Variants in TMEM178B observed in about 807,000 individuals in gnomAD.
TMEM178B encodes the protein transmembrane protein 178B.
Under a neutral mutation model 31.0 loss-of-function variants are expected in TMEM178B, and 5 were observed. The ratio of observed to expected loss-of-function variants is 0.16; its 90% CI spans 0.08 to 0.34. TMEM178B has a LOEUF of 0.34. Among genes scored for constraint, TMEM178B ranks in the 10% least tolerant of loss-of-function variants. The pLI, the probability that TMEM178B is intolerant of heterozygous loss-of-function variation, is 1.00. For missense variants in TMEM178B, 275 were observed against 400.3 expected, an observed-to-expected ratio of 0.69 and a Z score of 2.67; for synonymous variants, 164 against 164.0, an observed-to-expected ratio of 1.00 and a Z score of 0.00.
chr7:141,434,134 C>T (rs1268655454), intron 2 of TMEM178B, among the ~76,000 whole-genome samples: 1 of 152,246 alleles, frequency 6.6e-6, no homozygotes, highest in African/African-American at 2.4e-5. Context: ...TGTTCTCATT[C>T]TCCAACAACT....
intron 2 of TMEM178B, among the ~76,000 whole-genome samples, chr7:141,264,744 G>T (rs959127302): frequency 1.3e-5 from 2 of 152,212 alleles, no homozygotes; most frequent in Non-Finnish European, 2.9e-5. Context: ...ATGAATTAAG[G>T]TCACAGTTGG....
chr7:141,451,528 C>G (rs950709764), intron 3 of TMEM178B, among the ~76,000 whole-genome samples: 7 of 152,184 alleles, frequency 4.6e-5, no homozygotes, highest in African/African-American at 1.7e-4. Flanking sequence ...TTATGCAGCA[C>G]TGTCTTCCAA....
intron 3 of TMEM178B, among the ~76,000 whole-genome samples, chr7:141,445,168 C>A (rs149019644): frequency 6.6e-6 from 1 of 152,070 alleles, no homozygotes; most frequent in African/African-American, 2.4e-5. Flanking sequence ...ATTTGCAAGC[C>A]GATGATGCCA....
chr7:141,074,759 C>T lies in TMEM178B; in HGVS notation c.382+67C>T. The T allele has an allele frequency of 1.4e-6, 2 of 1,434,912 alleles. No individual in the cohort carries two copies. The highest frequency in any genetic ancestry group is 1.8e-6 in the Non-Finnish European group (2 of 1,099,204). 88.9% of individuals were successfully genotyped at this position (1,434,912 alleles called of 1,614,324 possible). ...CGCCTTTAGGCCCCGCAGCCCCTCGCGTCTCCTTCCCAGGCCACAGGCTAT... is the reference window on the plus strand; with the variant it reads ...CGCCTTTAGGCCCCGCAGCCCCTCGTGTCTCCTTCCCAGGCCACAGGCTAT... On this transcript the variant is annotated intron_variant, in intron 1 of 3. Transcript: ENST00000565468. The surrounding 1 kb of genome is among the most constrained non-coding windows in gnomAD (Gnocchi z 5.1).
rs375167208 is a variant in TMEM178B, at chr7:141,419,178, G to A, written c.497-18430G>A. Among the ~76,000 whole-genome samples the A allele has an allele frequency of 1.4e-4, 21 of 152,272 alleles. No homozygotes were observed. The South Asian group carries it at 3.9e-3, about 29-fold the overall frequency. On this transcript the variant is annotated intron_variant, in intron 2 of 3. Transcript: ENST00000565468. ...ACCCACCTTGGCCTCCCAAAGTGCT[G>A]GGATTATAGTCGTGAGGCACCGCGG... is the stretch of plus-strand genomic sequence containing the variant.
intron 2 of TMEM178B, among the ~76,000 whole-genome samples, chr7:141,280,304 G>T (rs928957239): frequency 1.3e-5 from 2 of 151,924 alleles, no homozygotes; most frequent in African/African-American, 2.4e-5. Context: ...GATATAGTTT[G>T]GCTGTGTCCC....
intron 1 of TMEM178B, among the ~76,000 whole-genome samples, chr7:141,078,270 T>C (rs1794628579): frequency 6.6e-6 from 1 of 152,150 alleles, no homozygotes; most frequent in Non-Finnish European, 1.5e-5. Context: ...AATTATATTA[T>C]TTGGTTTGTA....
At chr7:141,285,523 T>A (rs1249287309) in intron 2 of TMEM178B, among the ~76,000 whole-genome samples, 5 of 152,126 alleles carry the variant, frequency 3.3e-5, no homozygotes, top group African/African-American at 1.2e-4. Flanking sequence ...CATATTGTAA[T>A]GCATATTTTC....
chr7:141,242,030 A>C (rs137949382), intron 2 of TMEM178B, among the ~76,000 whole-genome samples: 143 of 152,332 alleles, frequency 9.4e-4, no homozygotes, highest in African/African-American at 3.3e-3. Flanking sequence ...TGACAATTGA[A>C]AATGTGAATG....
At chr7:141,275,925 A>G (rs1798259504) in intron 2 of TMEM178B, among the ~76,000 whole-genome samples, 1 of 152,232 alleles carries the variant, frequency 6.6e-6, no homozygotes, top group South Asian at 2.1e-4. Context: ...GTGTTCATGG[A>G]GAGCTGCATG....
chr7:141,202,306 C>A (rs1257405041), intron 1 of TMEM178B, among the ~76,000 whole-genome samples: 1 of 124,350 alleles, frequency 8.0e-6, no homozygotes, highest in Non-Finnish European at 1.6e-5. Flanking sequence ...AAATGTGTTG[C>A]AATAGAACCA....
chr7:141,364,309 A>G (rs918820206), intron 2 of TMEM178B, among the ~76,000 whole-genome samples: 1 of 152,054 alleles, frequency 6.6e-6, no homozygotes, highest in African/African-American at 2.4e-5. Context: ...TCTGGGCTAT[A>G]CTCCCTTTCA....
At chr7:141,177,176 C>A (rs1223079363) in intron 1 of TMEM178B, among the ~76,000 whole-genome samples, 1 of 151,532 alleles carries the variant, frequency 6.6e-6, no homozygotes. Context: ...TTTCAAACTT[C>A]ATTTCTAACT....
At chr7:141,178,497 G>T (rs1243563417) in intron 1 of TMEM178B, among the ~76,000 whole-genome samples, 1 of 152,180 alleles carries the variant, frequency 6.6e-6, no homozygotes, top group Non-Finnish European at 1.5e-5. Context: ...CTTACGCTTT[G>T]TGTGGCAACC....
chr7:141,096,152 T>A (rs1020697805), intron 1 of TMEM178B, among the ~76,000 whole-genome samples: 8 of 152,216 alleles, frequency 5.3e-5, no homozygotes, highest in African/African-American at 9.7e-5. Flanking sequence ...TAGAGTAGTA[T>A]TCTAGTCATA....
At chr7:141,374,666 A>G (rs1318269944) in intron 2 of TMEM178B, among the ~76,000 whole-genome samples, 3 of 152,194 alleles carry the variant, frequency 2.0e-5, no homozygotes, top group Non-Finnish European at 2.9e-5. Flanking sequence ...CCATGTGACA[A>G]TTACTTAAGC....
chr7:141,319,379 C>T (rs1799057886), intron 2 of TMEM178B, among the ~76,000 whole-genome samples: 1 of 152,098 alleles, frequency 6.6e-6, no homozygotes, highest in Admixed American at 6.5e-5. Flanking sequence ...ATTTCACTGG[C>T]CTTTTGGTGT....
intron 2 of TMEM178B, among the ~76,000 whole-genome samples, chr7:141,235,753 A>G (rs1797517677): frequency 6.6e-6 from 1 of 152,222 alleles, no homozygotes; most frequent in Non-Finnish European, 1.5e-5. Flanking sequence ...TACATGATGG[A>G]GAGGATACTC....
chr7:141,349,542 A>G (rs1799676175), intron 2 of TMEM178B, among the ~76,000 whole-genome samples: 1 of 152,156 alleles, frequency 6.6e-6, no homozygotes, highest in Non-Finnish European at 1.5e-5. Context: ...AATGAGCAAA[A>G]CAGACAAAGA....
Sources: gnomAD v4.1 joint callset for allele counts (sites outside exome capture counted in the v4.1 genomes callset) on GRCh38, gnomAD v4.1.1 for gene constraint, Gnocchi (gnomAD v3.1) non-coding constraint, MANE v1.5 for transcripts, NCBI Gene and HGNC (gene_info 2026-07-23, HGNC 2026-07-21) for gene names.